DISC1: variants seen among roughly 807,000 people sequenced by gnomAD.
DISC1 encodes the protein disrupted in schizophrenia 1 protein.
DISC1 carries 57 observed loss-of-function variants against 84.5 expected under a neutral mutation model. That is an observed-to-expected ratio of 0.67 (90% CI 0.55 to 0.84). The LOEUF (loss-of-function observed/expected upper bound fraction) is 0.84, where lower values mean the gene tolerates loss of function less well. Ranked by LOEUF, DISC1 falls within the 40% of genes least tolerant of loss-of-function variation. The pLI is 0.00. For synonymous variants in DISC1, 411 were observed against 415.2 expected (o/e 0.99, Z 0.12); for missense variants, 1,000 against 1,057.8 (o/e 0.95, Z 0.76).
rs36231584 is a variant in DISC1 at position 232,021,333 on chromosome 1, T to TACACACACAC, written c.2308-5070_2308-5061dup. Among the ~76,000 whole-genome samples the TACACACACAC allele has an allele frequency of 6.8e-3, 1,014 of 148,208 alleles. 11 individuals are homozygous for TACACACACAC. Among genetic ancestry groups the TACACACACAC allele is most frequent in the Non-Finnish European group, 9.3e-3 (623 of 66,992 alleles). ...GGAAATTTTTACTGTACTTGTTCTA[T>TACACACACAC]ACACACACACACACACACACACACA... is the stretch of plus-strand genomic sequence containing the variant. On this transcript the variant is annotated intron_variant, in intron 11 of 12. Transcript: ENST00000439617.
intron 9 of DISC1, among the ~76,000 whole-genome samples, chr1:231,830,034 G>T (rs919139241): frequency 6.6e-6 from 1 of 152,146 alleles, no homozygotes; most frequent in South Asian, 2.1e-4. Flanking sequence ...GGATGTGTAC[G>T]TGCAGGTCAC....
At chr1:231,857,084 C>A (rs369606457) in intron 9 of DISC1, among the ~76,000 whole-genome samples, 20 of 152,236 alleles carry the variant, frequency 1.3e-4, no homozygotes, top group African/African-American at 4.8e-4. Context: ...GCTTAGATAC[C>A]TTTATCAATG....
chr1:231,759,470 C>G (rs2075428586), intron 4 of DISC1, among the ~76,000 whole-genome samples: 1 of 116,490 alleles, frequency 8.6e-6, no homozygotes, highest in Non-Finnish European at 1.6e-5. Context: ...AGGAGGATTG[C>G]TTGAGACCAA....
chr1:231,947,654 A>G (rs1163444296), intron 9 of DISC1, among the ~76,000 whole-genome samples: 1 of 152,254 alleles, frequency 6.6e-6, no homozygotes, highest in African/African-American at 2.4e-5. Context: ...AGAAATTATC[A>G]TCAGCATGAA....
intron 9 of DISC1, among the ~76,000 whole-genome samples, chr1:231,944,476 G>A (rs2091505502): frequency 6.6e-6 from 1 of 152,196 alleles, no homozygotes; most frequent in Non-Finnish European, 1.5e-5. Flanking sequence ...AGCTCCCTGT[G>A]GGTTGGCTGG....
intron 3 of DISC1, among the ~76,000 whole-genome samples, chr1:231,719,665 G>T (rs911342949): frequency 5.9e-5 from 9 of 152,114 alleles, no homozygotes; most frequent in African/African-American, 2.2e-4. Context: ...TATACTCACT[G>T]GTAAAATATT....
chr1:231,678,734 C>A (rs117480965), intron 1 of DISC1, among the ~76,000 whole-genome samples: 1 of 152,164 alleles, frequency 6.6e-6, no homozygotes, highest in East Asian at 1.9e-4. Flanking sequence ...GTGGCCTGAT[C>A]GGCTCACTGC....
At chr1:232,008,665 A>G in intron 10 of DISC1, 120 bp from the exon 11 acceptor site, 1 of 1,202,094 alleles carries the variant, frequency 8.3e-7, no homozygotes, top group Admixed American at 2.7e-5. Context: ...ATCACTGTGA[A>G]ATTAAGTCAT....
At chr1:231,847,768 A>G (rs946038572) in intron 9 of DISC1, among the ~76,000 whole-genome samples, 1 of 152,060 alleles carries the variant, frequency 6.6e-6, no homozygotes, top group Non-Finnish European at 1.5e-5. Context: ...TGACCATCCA[A>G]TGGAAAGCAG....
intron 1 of DISC1, among the ~76,000 whole-genome samples, chr1:231,677,040 G>C (rs2063222109): frequency 6.6e-6 from 1 of 152,144 alleles, no homozygotes; most frequent in African/African-American, 2.4e-5. Context: ...AGTAGTGTCT[G>C]GTCAGGGCGC....
At chr1:231,666,250 A>C (rs1432037076) in intron 1 of DISC1, among the ~76,000 whole-genome samples, 1 of 145,870 alleles carries the variant, frequency 6.9e-6, no homozygotes, top group East Asian at 2.0e-4. Context: ...AGCCATTATG[A>C]GCTGTTCTTA....
At chr1:231,917,646 A>G (rs2089732208) in intron 9 of DISC1, among the ~76,000 whole-genome samples, 1 of 152,164 alleles carries the variant, frequency 6.6e-6, no homozygotes, top group African/African-American at 2.4e-5. Flanking sequence ...CTCCTCCAGC[A>G]CACTGCATGC....
chr1:231,983,296 G>A (rs1263755655), intron 10 of DISC1, among the ~76,000 whole-genome samples: 1 of 151,662 alleles, frequency 6.6e-6, no homozygotes, highest in East Asian at 2.0e-4. Flanking sequence ...AGATGCTGGG[G>A]AAGCTGCCCA....
At chr1:231,723,356 C>G (rs1323994752) in intron 3 of DISC1, 1 of 985,678 alleles carries the variant, frequency 1.0e-6, no homozygotes, top group Admixed American at 6.1e-5. Context: ...GCAGGAAGAC[C>G]TGTAAACTCA....
Position 231,935,318 on chromosome 1 carries a change from T to A in DISC1, c.1982-23510T>A, listed in dbSNP as rs567733204. Among the ~76,000 whole-genome samples, 187 of 152,166 alleles carry A rather than the reference T, an allele frequency of 1.2e-3. 1 individual carries two copies. The highest frequency in any genetic ancestry group is 4.4e-3 in the African/African-American group (184 of 41,534). The stretch of plus-strand genomic sequence containing the variant: ...CAAAGGAAGTAAATTCACAAAAGAT[T>A]GGGTGTTGGGGGCGTGGGGCGTGGT... On this transcript the variant is annotated intron_variant, in intron 9 of 12. Transcript: ENST00000439617.
At chr1:231,890,485 C>T (rs1297795166) in intron 9 of DISC1, among the ~76,000 whole-genome samples, 3 of 152,126 alleles carry the variant, frequency 2.0e-5, no homozygotes, top group Non-Finnish European at 4.4e-5. Context: ...TTAAAAATGA[C>T]ACTATATATG....
chr1:231,797,505 C>T (rs932994850), intron 7 of DISC1, among the ~76,000 whole-genome samples: 21 of 152,252 alleles, frequency 1.4e-4, no homozygotes, highest in Admixed American at 5.2e-4. Flanking sequence ...AGGCTGCAGA[C>T]GGTTGACTTC....
chr1:231,923,412 A>G (rs1212819303), intron 9 of DISC1, among the ~76,000 whole-genome samples: 2 of 151,888 alleles, frequency 1.3e-5, no homozygotes, highest in Admixed American at 1.3e-4. Flanking sequence ...AGTTGCCCTC[A>G]GTGCCCTCCC....
intron 9 of DISC1, among the ~76,000 whole-genome samples, chr1:231,920,618 A>G (rs951840134): frequency 2.0e-5 from 3 of 152,220 alleles, no homozygotes; most frequent in Admixed American, 1.3e-4. Context: ...TTAAGGCTGA[A>G]TAACATTCCA....
Sources: allele counts gnomAD v4.1 joint callset (sites outside exome capture counted in the v4.1 genomes callset), GRCh38; gene constraint gnomAD v4.1.1; transcripts MANE v1.5; gene names NCBI Gene and HGNC (gene_info 2026-07-23, HGNC 2026-07-21).